The following CHST15 variants were observed in gnomAD, a reference collection of about 807,000 sequenced individuals.
CHST15 encodes B cell RAG associated protein (GALNAC4S-6ST).
CHST15 carries 30 observed loss-of-function variants against 53.6 expected under a neutral mutation model. That is an observed-to-expected ratio of 0.56 (90% CI 0.42 to 0.76). The LOEUF (loss-of-function observed/expected upper bound fraction) is 0.76. Ranked by LOEUF, CHST15 falls within the 30% of genes least tolerant of loss-of-function variation. The pLI is 0.00. For missense variants in CHST15, 627 were observed against 740.5 expected (o/e 0.85, Z 1.78); for synonymous variants, 296 against 289.8 (o/e 1.02, Z -0.22).
At chr10:124,033,073 A>G (rs1161900141) in intron 5 of CHST15, among the ~76,000 whole-genome samples, 2 of 152,224 alleles carry the variant, frequency 1.3e-5, no homozygotes, top group African/African-American at 4.8e-5. Context: ...GTCACAGAAC[A>G]GGGCTAATGG....
chr10:124,035,013 G>A (rs1265015405), intron 5 of CHST15, among the ~76,000 whole-genome samples: 1 of 133,746 alleles, frequency 7.5e-6, no homozygotes, highest in Non-Finnish European at 1.6e-5. Context: ...AGGGACCCTG[G>A]CTCTACCCCC....
At chr10:124,032,368 T>C (rs927451119) in intron 5 of CHST15, among the ~76,000 whole-genome samples, 7 of 152,094 alleles carry the variant, frequency 4.6e-5, no homozygotes, top group South Asian at 2.1e-4. Flanking sequence ...ACCCCAAACA[T>C]AGACACGGTA....
chr10:124,014,573 G>A (rs1946525932), intron 6 of CHST15, among the ~76,000 whole-genome samples: 2 of 152,202 alleles, frequency 1.3e-5, no homozygotes, highest in African/African-American at 2.4e-5. Flanking sequence ...CACCTCCAAC[G>A]CAGACGAATC....
chr10:124,077,266 A>C (rs895816556), intron 1 of CHST15, among the ~76,000 whole-genome samples: 12 of 152,352 alleles, frequency 7.9e-5, no homozygotes, highest in African/African-American at 1.2e-4. Context: ...TGACAATCAG[A>C]ATCTTACATT....
chr10:124,051,885 A>G (rs1948213379), intron 1 of CHST15, among the ~76,000 whole-genome samples: 2 of 152,196 alleles, frequency 1.3e-5, no homozygotes, highest in South Asian at 4.1e-4. Flanking sequence ...AGGGCATCCA[A>G]TTTCACCCTA....
chr10:124,087,135 T>C (rs1949456153), intron 1 of CHST15, among the ~76,000 whole-genome samples: 1 of 152,116 alleles, frequency 6.6e-6, no homozygotes, highest in Non-Finnish European at 1.5e-5. Flanking sequence ...AGATAATACA[T>C]CTTACACCTC....
intron 1 of CHST15, among the ~76,000 whole-genome samples, chr10:124,091,195 T>C (rs771874602): frequency 1.3e-5 from 2 of 152,268 alleles, no homozygotes; most frequent in Non-Finnish European, 2.9e-5. Context: ...TTTATTCCTA[T>C]ACTACTTTGA....
chr10:124,089,562 G>A (rs34048972), intron 1 of CHST15, among the ~76,000 whole-genome samples: 2,031 of 152,190 alleles, frequency 0.013, 22 homozygotes, highest in Non-Finnish European at 0.023. Flanking sequence ...CCACTTACTG[G>A]CTATGTGACC....
rs1033478102 is a variant in CHST15 at position 124,063,690 on chromosome 10, T to C, written c.-512-16966A>G. ...GTTTCAGTATTCAGAGCTGGAAAAG[T>C]GAACATTCAATAAATATTATAACAA... is the stretch of plus-strand genomic sequence containing the variant. On this transcript the variant is annotated intron_variant, in intron 1 of 7. Transcript: ENST00000435907. 4.6e-5 allele frequency among the ~76,000 whole-genome samples: 7 copies of C among 152,058 alleles called. No individual in the cohort carries two copies. In the East Asian group the frequency reaches 1.3e-3, roughly 29 times the overall value.
chr10:124,054,972 C>A (rs780298427), intron 1 of CHST15, among the ~76,000 whole-genome samples: 1 of 152,144 alleles, frequency 6.6e-6, no homozygotes, highest in Non-Finnish European at 1.5e-5. Context: ...GGAGGAGTAC[C>A]CTTCCCCTGC....
intron 6 of CHST15, among the ~76,000 whole-genome samples, chr10:124,017,168 C>T (rs1244537028): frequency 6.6e-6 from 1 of 152,212 alleles, no homozygotes; most frequent in Non-Finnish European, 1.5e-5. Context: ...TAAACTGTGC[C>T]TTGGGTCAGG....
intron 4 of CHST15, among the ~76,000 whole-genome samples, chr10:124,041,759 A>G (rs1234508090): frequency 2.0e-5 from 3 of 152,226 alleles, no homozygotes; most frequent in Non-Finnish European, 4.4e-5. Flanking sequence ...TTATTAATCA[A>G]CCTCACTTTG....
intron 1 of CHST15, among the ~76,000 whole-genome samples, chr10:124,067,433 T>C (rs1362681197): frequency 6.6e-6 from 1 of 152,194 alleles, no homozygotes; most frequent in Admixed American, 6.5e-5. Flanking sequence ...GATCACACTG[T>C]CGGAACCTCT....
chr10:124,019,879 G>A lies in CHST15; in HGVS notation c.1347+1377C>T, dbSNP rs912321655. The A allele has an allele frequency of 1.0e-6, 1 of 985,982 alleles. No individual in the cohort carries two copies. The highest frequency in any genetic ancestry group is 1.2e-6 in the Non-Finnish European group (1 of 830,368). The allele number at this position is 985,982 out of a possible 1,614,324, so 61.1% of individuals were successfully genotyped here. ...TGCCCCCCATCTCCCACACCAGGCG[G>A]CTGGCTGCGTTCTGTATGGTAGGTG... On this transcript the variant is annotated intron_variant, in intron 6 of 7. Coordinates refer to ENST00000435907, the MANE Select transcript of CHST15 (RefSeq NM_001270764.2). This position sits in a 1 kb window ranked among gnomAD's most constrained non-coding sequence, Gnocchi z 4.6.
chr10:124,041,369 G>A (rs930596709), intron 4 of CHST15, among the ~76,000 whole-genome samples: 4 of 152,218 alleles, frequency 2.6e-5, no homozygotes, highest in African/African-American at 9.6e-5. Flanking sequence ...GAAGGCATCA[G>A]TGGATAAACG....
chr10:124,034,747 AC>A, intron 5 of CHST15, among the ~76,000 whole-genome samples: 1 of 103,464 alleles, frequency 9.7e-6, no homozygotes, highest in East Asian at 3.0e-4. Context: ...CCCCGGCTCC[AC>A]CCCCTAACAG....
At chr10:124,025,461 C>G (rs1055517875) in intron 5 of CHST15, among the ~76,000 whole-genome samples, 4 of 152,182 alleles carry the variant, frequency 2.6e-5, no homozygotes, top group Non-Finnish European at 5.9e-5. Context: ...AGAGAACTGG[C>G]AGTGGGCTTT....
At chr10:124,010,654 G>T in intron 7 of CHST15, 8 of 985,466 alleles carry the variant, frequency 8.1e-6, no homozygotes, top group Non-Finnish European at 9.6e-6. Context: ...CCCTTGGTGG[G>T]CTGCTCTCCA....
chr10:124,010,589 G>C, intron 7 of CHST15: 3 of 985,412 alleles, frequency 3.0e-6, no homozygotes, highest in Non-Finnish European at 3.6e-6. Flanking sequence ...AGCCCAGCTG[G>C]CATTTAATGA....
Sources: allele counts gnomAD v4.1 joint callset (sites outside exome capture counted in the v4.1 genomes callset), GRCh38; gene constraint gnomAD v4.1.1; non-coding constraint Gnocchi (gnomAD v3.1); transcripts MANE v1.5; gene names NCBI Gene and HGNC (gene_info 2026-07-23, HGNC 2026-07-21).